Variants in PTPRN2 observed in about 807,000 individuals in gnomAD.
PTPRN2 encodes the protein receptor-type tyrosine-protein phosphatase N2.
A neutral mutation model predicts 118.8 loss-of-function variants in PTPRN2; 74 were observed. The observed-to-expected ratio is 0.62, with a 90% CI of 0.52 to 0.76. The LOEUF (loss-of-function observed/expected upper bound fraction) is 0.76, where lower values mean the gene tolerates loss of function less well. PTPRN2 is among the 30% of genes least tolerant of loss of function. The probability of loss-of-function intolerance (pLI) is 0.00; values close to 1 mark genes in which losing one functional copy is unlikely to be tolerated. For missense variants in PTPRN2, 1,481 were observed against 1,394.4 expected, an observed-to-expected ratio of 1.06 and a Z score of -0.99; for synonymous variants, 641 against 608.0, an observed-to-expected ratio of 1.05 and a Z score of -0.80.
At chr7:158,412,889 C>G (rs1206233567) in intron 2 of PTPRN2, among the ~76,000 whole-genome samples, 2 of 142,444 alleles carry the variant, frequency 1.4e-5, no homozygotes, top group Admixed American at 1.4e-4. Context: ...TCCTCAGCAC[C>G]AGGGCCCATC....
At chr7:158,174,354 T>C (rs74479071) in intron 5 of PTPRN2, among the ~76,000 whole-genome samples, 164 of 151,678 alleles carry the variant, frequency 1.1e-3, no homozygotes, top group African/African-American at 3.8e-3. Flanking sequence ...ACCATCATCA[T>C]CCCACCATCC....
chr7:158,115,750 G>T (rs893554991), intron 9 of PTPRN2, among the ~76,000 whole-genome samples: 2 of 152,200 alleles, frequency 1.3e-5, no homozygotes, highest in East Asian at 1.9e-4. Context: ...CCCATCCATG[G>T]TGCTTTGTTA....
At chr7:157,799,598 C>G (rs1187298015) in intron 12 of PTPRN2, among the ~76,000 whole-genome samples, 1 of 152,114 alleles carries the variant, frequency 6.6e-6, no homozygotes, top group East Asian at 1.9e-4. Context: ...GGCCTCCACT[C>G]CAGCGTGTGC....
At chr7:158,577,069 C>G (rs1586972708) in intron 1 of PTPRN2, among the ~76,000 whole-genome samples, 4 of 138,610 alleles carry the variant, frequency 2.9e-5, no homozygotes, top group Non-Finnish European at 3.1e-5. Flanking sequence ...TGAGGGCTGC[C>G]CACCCTGCCT....
intron 11 of PTPRN2, among the ~76,000 whole-genome samples, chr7:158,055,040 G>A (rs1005745127): frequency 6.6e-6 from 1 of 152,164 alleles, no homozygotes; most frequent in African/African-American, 2.4e-5. Flanking sequence ...GGCACGAACT[G>A]TTCCAGTGTA....
At chr7:158,100,010 T>C (rs1815097445) in intron 10 of PTPRN2, among the ~76,000 whole-genome samples, 1 of 151,582 alleles carries the variant, frequency 6.6e-6, no homozygotes, top group African/African-American at 2.4e-5. Flanking sequence ...AATGGTGATG[T>C]GTGAGATTTT....
At chr7:157,994,357 AAAC>A (rs1031271325) in intron 11 of PTPRN2, among the ~76,000 whole-genome samples, 7 of 152,250 alleles carry the variant, frequency 4.6e-5, no homozygotes, top group African/African-American at 1.7e-4. Context: ...AGCAGAAAAC[AAAC>A]AACACATCTT....
At chr7:158,146,678 G>C in intron 6 of PTPRN2, among the ~76,000 whole-genome samples, 1 of 145,044 alleles carries the variant, frequency 6.9e-6, no homozygotes, top group Non-Finnish European at 1.5e-5. Flanking sequence ...CTGAGATCGC[G>C]CCACTGCACT....
intron 12 of PTPRN2, among the ~76,000 whole-genome samples, chr7:157,696,850 C>T (rs1236653731): frequency 9.0e-6 from 1 of 110,706 alleles, no homozygotes; most frequent in African/African-American, 3.6e-5. Flanking sequence ...AGAGCCCTCA[C>T]CGTCTACACA....
chr7:158,261,861 C>T (rs1281958292), intron 3 of PTPRN2, among the ~76,000 whole-genome samples: 1 of 152,220 alleles, frequency 6.6e-6, no homozygotes, highest in African/African-American at 2.4e-5. Flanking sequence ...GACGGGGCTT[C>T]CCGTTATTTC....
chr7:157,666,148 G>GA (rs1017851761), intron 13 of PTPRN2, among the ~76,000 whole-genome samples: 3 of 147,934 alleles, frequency 2.0e-5, no homozygotes, highest in South Asian at 2.2e-4. Flanking sequence ...AAAAAAAAAA[G>GA]AAAAAAAATT....
At position 158,555,082 on chromosome 7, in the gene PTPRN2, C is replaced by A. The variant is rs1400200005; in HGVS notation, c.112+32476G>T. 6.6e-6 allele frequency among the ~76,000 whole-genome samples: 1 copy of A among 152,190 alleles called. No individual in the cohort carries two copies. Among genetic ancestry groups the A allele is most frequent in the Non-Finnish European group, 1.5e-5 (1 of 68,034 alleles). On this transcript the variant is annotated intron_variant, in intron 1 of 22. Coordinates refer to ENST00000389418, the MANE Select transcript of PTPRN2 (RefSeq NM_002847.5). This position sits in a 1 kb window ranked among gnomAD's most constrained non-coding sequence, Gnocchi z 4.7. ...AGCAAGCCTGATACAGAGTCACACA[C>A]CAGATGCACATTACAAAGAGCGTCA... is the stretch of plus-strand genomic sequence containing the variant.
chr7:158,335,480 G>C (rs1331334759), intron 2 of PTPRN2, among the ~76,000 whole-genome samples: 2 of 51,898 alleles, frequency 3.9e-5, no homozygotes, highest in African/African-American at 7.1e-5. Context: ...CACCATAAGA[G>C]CTGATGCCTG....
intron 11 of PTPRN2, among the ~76,000 whole-genome samples, chr7:157,916,478 C>G (rs1028059348): frequency 6.6e-6 from 1 of 152,242 alleles, no homozygotes; most frequent in Non-Finnish European, 1.5e-5. Flanking sequence ...CTGCTCTCCT[C>G]TAATTACCTG....
At chr7:157,959,480 T>C (rs1038623720) in intron 11 of PTPRN2, among the ~76,000 whole-genome samples, 2 of 151,968 alleles carry the variant, frequency 1.3e-5, no homozygotes, top group African/African-American at 4.8e-5. Context: ...TGATTAGGAG[T>C]ATCTAGAACA....
chr7:158,462,861 A>G (rs890055543), intron 2 of PTPRN2, among the ~76,000 whole-genome samples: 1 of 152,228 alleles, frequency 6.6e-6, no homozygotes, highest in African/African-American at 2.4e-5. Flanking sequence ...AAATCCACAC[A>G]CAGCTCAGTT....
At chr7:158,061,878 G>C (rs572932054) in intron 11 of PTPRN2, among the ~76,000 whole-genome samples, 2 of 152,234 alleles carry the variant, frequency 1.3e-5, no homozygotes, top group Non-Finnish European at 2.9e-5. Flanking sequence ...CTTTTTTGAT[G>C]AGCAAAAATG....
At chr7:158,288,635 ATTAT>A (rs1257378102) in intron 3 of PTPRN2, among the ~76,000 whole-genome samples, 1 of 152,144 alleles carries the variant, frequency 6.6e-6, no homozygotes, top group Non-Finnish European at 1.5e-5. Context: ...TGTTGTAGCT[ATTAT>A]TTAAGAAATT....
chr7:158,101,742 T>C (rs1815244476), intron 10 of PTPRN2, among the ~76,000 whole-genome samples: 1 of 152,128 alleles, frequency 6.6e-6, no homozygotes, highest in South Asian at 2.1e-4. Context: ...CCCAGCACAG[T>C]AGTGCACCCG....
Sources: gnomAD v4.1 joint callset for allele counts (sites outside exome capture counted in the v4.1 genomes callset) on GRCh38, gnomAD v4.1.1 for gene constraint, Gnocchi (gnomAD v3.1) non-coding constraint, MANE v1.5 for transcripts, NCBI Gene and HGNC (gene_info 2026-07-23, HGNC 2026-07-21) for gene names.